Variants in GALK2 observed in about 807,000 individuals in gnomAD.
GALK2 encodes N-acetylgalactosamine kinase.
A neutral mutation model predicts 52.4 loss-of-function variants in GALK2; 36 were observed. The ratio of observed to expected loss-of-function variants is 0.69; its 90% CI spans 0.53 to 0.91. GALK2 has a LOEUF of 0.91. Ranked by LOEUF, GALK2 falls within the 40% of genes least tolerant of loss-of-function variation. The pLI, the probability that GALK2 is intolerant of heterozygous loss-of-function variation, is 0.00. For missense variants in GALK2, 579 were observed against 559.1 expected (o/e 1.04, Z -0.36); for synonymous variants, 176 against 199.1 (o/e 0.88, Z 0.98).
intron 3 of GALK2, chr15:49,366,689 C>A (rs1401265933): frequency 6.7e-7 from 1 of 1,493,938 alleles, no homozygotes; most frequent in Admixed American, 1.7e-5. Flanking sequence ...CCCCATCGGA[C>A]TGGTGGGTGG....
intron 7 of GALK2, among the ~76,000 whole-genome samples, chr15:49,291,637 T>C (rs916149962): frequency 1.3e-5 from 2 of 152,170 alleles, no homozygotes; most frequent in Non-Finnish European, 2.9e-5. Context: ...GGATTGGGGT[T>C]CCCATGGGTG....
At chr15:49,287,041 T>C (rs1254898501) in intron 7 of GALK2, among the ~76,000 whole-genome samples, 1 of 152,216 alleles carries the variant, frequency 6.6e-6, no homozygotes, top group African/African-American at 2.4e-5. Flanking sequence ...GTCTCTGTAG[T>C]AAAAGTTATT....
At chr15:49,245,803 T>TATTCCTAAATACTAATTTTGTATTTACTG (rs1326921125) in intron 5 of GALK2, among the ~76,000 whole-genome samples, 3 of 152,192 alleles carry the variant, frequency 2.0e-5, no homozygotes, top group African/African-American at 7.2e-5. Flanking sequence ...TCCTACAATG[T>TATTCCTAAATACTAATTTTGTATTTACTG]TACAAAAATA....
At chr15:49,159,145 G>A (rs1448753566) in intron 1 of GALK2, among the ~76,000 whole-genome samples, 1 of 152,130 alleles carries the variant, frequency 6.6e-6, no homozygotes, top group Non-Finnish European at 1.5e-5. Context: ...AATTATTTTA[G>A]TGGCTGTGTA....
At chr15:49,157,188 C>T (rs1199386066) in intron 1 of GALK2, among the ~76,000 whole-genome samples, 1 of 152,128 alleles carries the variant, frequency 6.6e-6, no homozygotes, top group African/African-American at 2.4e-5. Context: ...TGTCCTGAAT[C>T]CCTCATTTAA....
chr15:49,184,735 AAG>A (rs1283324970), intron 1 of GALK2, among the ~76,000 whole-genome samples: 2 of 152,216 alleles, frequency 1.3e-5, no homozygotes, highest in Non-Finnish European at 2.9e-5. Flanking sequence ...CAAACGAGAA[AAG>A]AGAAAACTAA....
chr15:49,212,219 A>G (rs1439545041), intron 2 of GALK2, among the ~76,000 whole-genome samples: 1 of 152,038 alleles, frequency 6.6e-6, no homozygotes, highest in African/African-American at 2.4e-5. Context: ...CAGCCTCCCG[A>G]GTAGCTGGGA....
At chr15:49,183,481 T>C (rs1280477425) in intron 1 of GALK2, among the ~76,000 whole-genome samples, 1 of 152,234 alleles carries the variant, frequency 6.6e-6, no homozygotes, top group East Asian at 1.9e-4. Context: ...TTCCTCTTAT[T>C]GATTTCTAGT....
At chr15:49,353,908 T>C (rs1215825623) in intron 3 of GALK2, 1 of 152,230 alleles carries the variant, frequency 6.6e-6, no homozygotes, top group Non-Finnish European at 1.5e-5. Context: ...TGATAGTTAC[T>C]TTAGTAATAA....
intron 2 of GALK2, among the ~76,000 whole-genome samples, chr15:49,205,541 T>A (rs1415483376): frequency 6.6e-6 from 1 of 152,250 alleles, no homozygotes; most frequent in Admixed American, 6.5e-5. Flanking sequence ...TTGAGAATTG[T>A]CTATTCGTGT....
chr15:49,266,819 A>G (rs1160689377), intron 5 of GALK2, among the ~76,000 whole-genome samples: 2 of 152,162 alleles, frequency 1.3e-5, no homozygotes, highest in African/African-American at 2.4e-5. Flanking sequence ...TGTGGTATTA[A>G]TAGTTGGAGG....
intron 9 of GALK2, chr15:49,326,837 A>C (rs1275925495): frequency 6.6e-6 from 1 of 152,192 alleles, no homozygotes; most frequent in East Asian, 1.9e-4. Context: ...ACTGAGAAGA[A>C]TCACTGACAG....
chr15:49,187,281 C>T (rs12901353), intron 1 of GALK2, among the ~76,000 whole-genome samples: 38,140 of 152,100 alleles, frequency 0.25, 5,954 homozygotes, highest in Non-Finnish European at 0.35. Flanking sequence ...CCATCATTTT[C>T]CCCCAAAGAG....
At chr15:49,280,846 A>G (rs1451035343) in intron 5 of GALK2, among the ~76,000 whole-genome samples, 2 of 150,728 alleles carry the variant, frequency 1.3e-5, no homozygotes, top group African/African-American at 2.4e-5. Context: ...TTATTTTTTT[A>G]TTTTTTTTTG....
intron 9 of GALK2, among the ~76,000 whole-genome samples, chr15:49,326,725 G>A (rs1453873628): frequency 6.6e-6 from 1 of 152,104 alleles, no homozygotes; most frequent in African/African-American, 2.4e-5. Flanking sequence ...GATCAGTGAT[G>A]TTTATTTGTT....
At chr15:49,173,703 T>C (rs2085255712) in intron 1 of GALK2, among the ~76,000 whole-genome samples, 1 of 152,214 alleles carries the variant, frequency 6.6e-6, no homozygotes, top group South Asian at 2.1e-4. Flanking sequence ...CTTTCTCAGA[T>C]ATCTGGTATA....
intron 3 of GALK2, among the ~76,000 whole-genome samples, chr15:49,354,224 G>C (rs1263839365): frequency 6.6e-6 from 1 of 152,152 alleles, no homozygotes; most frequent in East Asian, 1.9e-4. Flanking sequence ...TGTTTAAAAA[G>C]TCTGTGTATG....
At chr15:49,297,465 C>A (rs1219430643) in intron 8 of GALK2, among the ~76,000 whole-genome samples, 1 of 152,074 alleles carries the variant, frequency 6.6e-6, no homozygotes, top group Non-Finnish European at 1.5e-5. Flanking sequence ...GTTTTTGTTG[C>A]AATTGCTTTT....
Position 49,327,963 on chromosome 15 carries a change from C to T in GALK2, c.1181C>T (p.Ala394Val), listed in dbSNP as rs762160419. 1 of 1,611,584 alleles carries T rather than the reference C, an allele frequency of 6.2e-7. No homozygotes were observed. The highest frequency in any genetic ancestry group is 1.3e-5 in the African/African-American group (1 of 74,820). Reference sequence around the variant, plus strand: ...CCTCACTGTTTTAGGAAGTTTGGGGCTCAAGGGTCACGACTTACTGGAGCA... The same window carrying T: ...CCTCACTGTTTTAGGAAGTTTGGGGTTCAAGGGTCACGACTTACTGGAGCA... ...QLVDICRKFG[A>V]QGSRLTGAGW... Residue 394 changes from alanine (A) to valine (V), a missense_variant, in exon 10 of 10, where the codon GCT becomes GTT. By Grantham distance (64) the Ala-to-Val change is moderately conservative. Coordinates refer to ENST00000560031, the MANE Select transcript of GALK2 (RefSeq NM_002044.4).
Sources: allele counts gnomAD v4.1 joint callset (sites outside exome capture counted in the v4.1 genomes callset), GRCh38; gene constraint gnomAD v4.1.1; transcripts MANE v1.5; gene names NCBI Gene and HGNC (gene_info 2026-07-23, HGNC 2026-07-21).